ITGB7: variants seen among roughly 807,000 people sequenced by gnomAD.
ITGB7 encodes integrin beta-7.
In ITGB7, 55 loss-of-function variants were observed where a neutral mutation model predicts 83.4. The observed-to-expected ratio is 0.66, with a 90% CI of 0.53 to 0.83. The LOEUF is 0.83. Among genes scored for constraint, ITGB7 ranks in the 40% least tolerant of loss-of-function variants. The probability of loss-of-function intolerance (pLI) is 0.00; values close to 1 mark genes in which losing one functional copy is unlikely to be tolerated. For synonymous variants in ITGB7, 454 were observed against 423.6 expected (o/e 1.07, Z -0.88); for missense variants, 921 against 1,046.7 (o/e 0.88, Z 1.66).
chr12:53,197,388 T>C (rs1336971568), intron 5 of ITGB7, 105 bp downstream of exon 5: 2 of 1,336,968 alleles, frequency 1.5e-6, no homozygotes, highest in Non-Finnish European at 1.1e-6. Context: ...TGTCAACAAC[T>C]GGGAGGGCAA....
intron 9 of ITGB7, 32 bp downstream of exon 9, chr12:53,195,342 C>G: frequency 6.6e-7 from 1 of 1,518,478 alleles, no homozygotes; most frequent in Non-Finnish European, 9.1e-7. Flanking sequence ...TAGTGCCCAC[C>G]CTCACCATCT....
rs1350104338 is a variant in ITGB7 at position 53,197,906 on chromosome 12, G to T, written c.247C>A (p.Arg83=). ...GEAEARRCAR[R]EELLARGCPL... The stretch of plus-strand genomic sequence containing the variant: ...CAGCCTCGAGCCAGCAGCTCCTCTC[G>T]TCGGGCGCAGCGCCGCGCCTCCGCC... Residue 83 remains arginine (R), a synonymous_variant, in exon 4 of 16, where the codon CGA becomes AGA. Transcript: ENST00000267082. 1.9e-6 allele frequency: 3 copies of T among 1,546,036 alleles called. No homozygotes were observed. Among genetic ancestry groups the T allele is most frequent in the East Asian group, 2.4e-5 (1 of 41,392 alleles).
chr12:53,193,628 T>A, intron 11 of ITGB7, 80 bp downstream of exon 11: 1 of 1,252,860 alleles, frequency 8.0e-7, no homozygotes, highest in Non-Finnish European at 1.1e-6. Context: ...GTGGGGGGGA[T>A]GGAAAGCAGC....
intron 4 of ITGB7, 42 bp from the exon 5 acceptor site, chr12:53,197,705 A>T (rs368724314): frequency 1.9e-6 from 3 of 1,601,054 alleles, no homozygotes; most frequent in Non-Finnish European, 1.7e-6. Context: ...GCGCATTGGA[A>T]CGCCAGCCTA....
chr12:53,202,044 A>G (rs1942333168), intron 1 of ITGB7, among the ~76,000 whole-genome samples: 1 of 152,238 alleles, frequency 6.6e-6, no homozygotes, highest in Non-Finnish European at 1.5e-5. Context: ...AAACCATTCA[A>G]TGAGAAAAAC....
chr12:53,204,836 T>G (rs1047341383), intron 1 of ITGB7, among the ~76,000 whole-genome samples: 1 of 143,344 alleles, frequency 7.0e-6, no homozygotes, highest in Non-Finnish European at 1.5e-5. Flanking sequence ...TCTTTACCTT[T>G]TTTTTTTTTT....
chr12:53,193,655 GGGTT>G, intron 11 of ITGB7, 49 bp downstream of exon 11: 2 of 1,487,100 alleles, frequency 1.3e-6, no homozygotes, highest in Non-Finnish European at 1.8e-6. Flanking sequence ...ATACGGGCCA[GGGTT>G]GGTTGGTTGT....
chr12:53,194,218 G>A lies in ITGB7; in HGVS notation c.1288C>T (p.His430Tyr). ...CTCACCGTCTGGTTGATTCGGACGTGGTTGCACTGTCCTCGATCCTCAGCC... is the reference window on the plus strand; with the variant it reads ...CTCACCGTCTGGTTGATTCGGACGTAGTTGCACTGTCCTCGATCCTCAGCC... Reference protein sequence around the residue: ...GKAEDRGQCNHVRINQTVTFW... With the variant: ...GKAEDRGQCNYVRINQTVTFW... Residue 430 changes from histidine to tyrosine, a missense_variant, in exon 10 of 16, where the codon CAC becomes TAC. Coordinates refer to ENST00000267082, the MANE Select transcript of ITGB7 (RefSeq NM_000889.3). 2 of 1,613,988 alleles carry A rather than the reference G, an allele frequency of 1.2e-6. No individual in the cohort carries two copies. Among genetic ancestry groups the A allele is most frequent in the Non-Finnish European group, 1.7e-6 (2 of 1,179,994 alleles).
chr12:53,201,630 AT>A (rs1043521301), intron 1 of ITGB7, among the ~76,000 whole-genome samples: 6 of 147,722 alleles, frequency 4.1e-5, no homozygotes, highest in African/African-American at 1.6e-4. Context: ...AAAAAGTTAA[AT>A]CCCATTGGCC....
chr12:53,193,438 C>A, intron 11 of ITGB7, 75 bp from the exon 12 acceptor site: 1 of 1,127,562 alleles, frequency 8.9e-7, no homozygotes, highest in South Asian at 1.6e-5. Context: ...CCAGGAACCT[C>A]TAAACCCAAG....
rs754306989 is a variant in ITGB7, at chr12:53,191,862, CTTCCAGTTGAGTTGTTG to C, written c.2296_2312del (p.Gln766AlafsTer4). On this transcript the variant is annotated frameshift_variant, in exon 15 of 16. Coordinates refer to ENST00000267082, the MANE Select transcript of ITGB7 (RefSeq NM_000889.3). LOFTEE classifies it high-confidence loss of function. ...CCTAACCAGGAAGTCTCCTCACCTG[CTTCCAGTTGAGTTGTTG>C]CTGCTCCTTCTCAAAGCGACTGTAT... 6.2e-7 allele frequency: 1 copy of C among 1,613,546 alleles called. No homozygotes were observed. The highest frequency in any genetic ancestry group is 8.5e-7 in the Non-Finnish European group (1 of 1,179,954).
Position 53,196,430 on chromosome 12 carries a change from C to G in ITGB7, c.816+149G>C, listed in dbSNP as rs985083594. On this transcript the variant is annotated intron_variant, in intron 6 of 15. Coordinates refer to ENST00000267082, the MANE Select transcript of ITGB7 (RefSeq NM_000889.3). ...CATGCCTCCTCCTCAAGATATTTTA[C>G]TCCAACCCACCAGGTAATTGCTAAA... is the stretch of plus-strand genomic sequence containing the variant. The G allele has an allele frequency of 4.2e-6, 5 of 1,193,648 alleles. No homozygotes were observed. The East Asian group carries it at 1.3e-4, about 30-fold the overall frequency. The allele number at this position is 1,193,648 out of a possible 1,614,324, so 73.9% of individuals were successfully genotyped here.
At position 53,194,224 on chromosome 12, in the gene ITGB7, A is replaced by C; in HGVS notation, c.1282T>G (p.Cys428Gly). ...GTCTGGTTGATTCGGACGTGGTTGC[A>C]CTGTCCTCGATCCTCAGCCTTACCC... Reference protein sequence around the residue: ...REGKAEDRGQCNHVRINQTVT... With the variant: ...REGKAEDRGQGNHVRINQTVT... The change falls in exon 10 of 16, where the codon TGC (cysteine) becomes GGC (glycine). Residue 428 changes from cysteine to glycine, a missense_variant. Physicochemically the swap from Cys to Gly is radical, Grantham distance 159. Coordinates refer to ENST00000267082, the MANE Select transcript of ITGB7 (RefSeq NM_000889.3). The C allele has an allele frequency of 6.2e-7, 1 of 1,613,902 alleles. No homozygotes were observed. Among genetic ancestry groups the C allele is most frequent in the Non-Finnish European group, 8.5e-7 (1 of 1,179,956 alleles).
In ITGB7 at chr12:53,196,794, C is replaced by A. The variant is rs1253783965; in HGVS notation, c.601G>T (p.Val201Leu). ...IGFGSFVDKT[V>L]LPFVSTVPSK... is the part of the protein sequence containing the mutation. ...GGTACTGTGCTCACAAAGGGCAGCA[C>A]CGTTTTGTCCACAAAGGAACCAAAA... Residue 201 changes from valine to leucine, a missense_variant, in exon 6 of 16, where the codon GTG becomes TTG. Coordinates refer to ENST00000267082, the MANE Select transcript of ITGB7 (RefSeq NM_000889.3). The A allele has an allele frequency of 6.2e-7, 1 of 1,601,728 alleles. No individual in the cohort carries two copies. The highest frequency in any genetic ancestry group is 1.3e-5 in the African/African-American group (1 of 74,816).
rs1941943214 is a variant in ITGB7 at position 53,191,533 on chromosome 12, T to G, written c.*23A>C. ...CCACTGTCCTCCAAGGAGAAGAGCC[T>G]TGGGTAAGTGTCCCTCCCTCCTTCA... On this transcript the variant is annotated 3_prime_UTR_variant, in exon 16 of 16. Coordinates refer to ENST00000267082, the MANE Select transcript of ITGB7 (RefSeq NM_000889.3). The G allele has an allele frequency of 6.4e-7, 1 of 1,569,660 alleles. No homozygotes were observed. The highest frequency in any genetic ancestry group is 2.2e-5 in the East Asian group (1 of 44,646).
At chr12:53,204,217 T>C (rs1461961646) in intron 1 of ITGB7, among the ~76,000 whole-genome samples, 4 of 151,904 alleles carry the variant, frequency 2.6e-5, no homozygotes, top group African/African-American at 9.7e-5. Context: ...CCATATCTAC[T>C]AAAAATACAA....
chr12:53,192,588 G>A (rs1367781156), intron 13 of ITGB7, 50 bp from the exon 14 acceptor site: 2 of 1,599,050 alleles, frequency 1.3e-6, no homozygotes, highest in South Asian at 2.2e-5. Flanking sequence ...GTCACCCAAT[G>A]CCCCTTGCCC....
At chr12:53,197,696 C>A (rs375409129) in intron 4 of ITGB7, 33 bp from the exon 5 acceptor site, 23 of 1,604,818 alleles carry the variant, frequency 1.4e-5, no homozygotes, top group Non-Finnish European at 2.0e-5. Flanking sequence ...GTCAGCAGAG[C>A]GCATTGGAAC....
At chr12:53,195,803 G>T in intron 7 of ITGB7, 82 bp from the exon 8 acceptor site, 1 of 1,261,100 alleles carries the variant, frequency 7.9e-7, no homozygotes, top group African/African-American at 1.5e-5. Context: ...GGGAATCCAG[G>T]AACCAAGGTT....
Sources: gnomAD v4.1 joint callset for allele counts (sites outside exome capture counted in the v4.1 genomes callset) on GRCh38, gnomAD v4.1.1 for gene constraint, MANE v1.5 for transcripts, NCBI Gene and HGNC (gene_info 2026-07-23, HGNC 2026-07-21) for gene names.